Variants in SEMA3E observed in about 807,000 individuals in gnomAD.
The protein encoded by SEMA3E is semaphorin-3E.
Under a neutral mutation model 93.6 loss-of-function variants are expected in SEMA3E, and 49 were observed. That is an observed-to-expected ratio of 0.52 (90% CI 0.42 to 0.66). The LOEUF is 0.66. Ranked by LOEUF, SEMA3E falls within the 30% of genes least tolerant of loss-of-function variation. The probability of loss-of-function intolerance (pLI) is 0.00; values close to 1 mark genes in which losing one functional copy is unlikely to be tolerated. For missense variants in SEMA3E, 906 were observed against 964.8 expected, an observed-to-expected ratio of 0.94 and a Z score of 0.81; for synonymous variants, 363 against 330.7, an observed-to-expected ratio of 1.10 and a Z score of -1.06.
At chr7:83,546,321 G>GGTGTGTGGTGT (rs1554336930) in intron 1 of SEMA3E, among the ~76,000 whole-genome samples, 1 of 129,406 alleles carries the variant, frequency 7.7e-6, no homozygotes, top group Non-Finnish European at 1.7e-5. Context: ...TATAATAAGG[G>GGTGTGTGGTGT]GTGTGTGTGT....
intron 1 of SEMA3E, among the ~76,000 whole-genome samples, chr7:83,545,670 C>T (rs890532734): frequency 6.6e-6 from 1 of 150,674 alleles, no homozygotes; most frequent in African/African-American, 2.4e-5. Context: ...GGCTCTCTTG[C>T]CTCTACTGGG....
chr7:83,440,228 C>T (rs1438012042), intron 4 of SEMA3E, among the ~76,000 whole-genome samples: 1 of 152,036 alleles, frequency 6.6e-6, no homozygotes, highest in Non-Finnish European at 1.5e-5. Context: ...ATGAGTGCCT[C>T]AGTGTGAAAA....
intron 2 of SEMA3E, among the ~76,000 whole-genome samples, chr7:83,477,910 A>G (rs1347119798): frequency 2.8e-5 from 4 of 144,832 alleles, no homozygotes; most frequent in Non-Finnish European, 4.5e-5. Context: ...ATACAAATTA[A>G]GTAATGTAAT....
chr7:83,390,688 A>G (rs1788000186), intron 14 of SEMA3E, among the ~76,000 whole-genome samples: 1 of 152,186 alleles, frequency 6.6e-6, no homozygotes, highest in Non-Finnish European at 1.5e-5. Context: ...AGGGGTAGTG[A>G]TGGTTCAAAA....
intron 1 of SEMA3E, among the ~76,000 whole-genome samples, chr7:83,569,412 A>G (rs920469460): frequency 6.6e-6 from 1 of 152,166 alleles, no homozygotes; most frequent in Non-Finnish European, 1.5e-5. Context: ...TAAATGGTCT[A>G]AAAGCTCCAC....
chr7:83,438,782 T>A (rs1480572226), intron 4 of SEMA3E, among the ~76,000 whole-genome samples: 8 of 152,034 alleles, frequency 5.3e-5, no homozygotes, highest in African/African-American at 1.9e-4. Context: ...ATATGTAAGA[T>A]AAATAGGAGA....
In SEMA3E at chr7:83,586,039, C is replaced by T. The variant is rs549271511; in HGVS notation, c.115+62389G>A. Among the ~76,000 whole-genome samples the T allele has an allele frequency of 1.1e-4, 17 of 152,206 alleles. No individual in the cohort carries two copies. In the South Asian group the frequency reaches 3.5e-3, roughly 32 times the overall value. On this transcript the variant is annotated intron_variant, in intron 1 of 16. Transcript: ENST00000643230. ...TGTCCCCTCAAACATATATGCACATCCCAGAATGTGTTAATGTGATTTTAA... is the reference window on the plus strand; with the variant it reads ...TGTCCCCTCAAACATATATGCACATTCCAGAATGTGTTAATGTGATTTTAA...
intron 1 of SEMA3E, among the ~76,000 whole-genome samples, chr7:83,569,355 A>G (rs1379698985): frequency 6.6e-6 from 1 of 152,156 alleles, no homozygotes; most frequent in Non-Finnish European, 1.5e-5. Context: ...CAACCAGCTA[A>G]CAACAAAATG....
chr7:83,526,025 T>A (rs1301597762), intron 1 of SEMA3E, among the ~76,000 whole-genome samples: 1 of 152,048 alleles, frequency 6.6e-6, no homozygotes, highest in African/African-American at 2.4e-5. Flanking sequence ...GAGGAGAATA[T>A]TTCAACTGTG....
chr7:83,450,764 C>T (rs958319476), intron 4 of SEMA3E, among the ~76,000 whole-genome samples: 1 of 151,938 alleles, frequency 6.6e-6, no homozygotes, highest in Admixed American at 6.6e-5. Flanking sequence ...AACAGGTGTA[C>T]TTAACGAATG....
intron 1 of SEMA3E, among the ~76,000 whole-genome samples, chr7:83,535,437 A>G (rs985068): frequency 0.53 from 80,819 of 151,522 alleles, 23,598 homozygotes; most frequent in Middle Eastern, 0.7. Flanking sequence ...TCATTCATTC[A>G]CTAAGGAGAC....
In SEMA3E at chr7:83,363,884, T is replaced by TTTTTTTTTTTTTTTTTTTTTTC. The variant is rs1794624068; in HGVS notation, c.*3701_*3702insGAAAAAAAAAAAAAAAAAAAAA. 9.9e-6 allele frequency: 1 copy of TTTTTTTTTTTTTTTTTTTTTTC among 101,072 alleles called. No individual in the cohort carries two copies. The highest frequency in any genetic ancestry group is 4.2e-5 in the African/African-American group (1 of 23,836). The allele number at this position is 101,072 out of a possible 1,614,324, so 6.3% of individuals were successfully genotyped here. A position where few individuals can be genotyped will look rare whatever the true frequency, so the allele number is the denominator to read the frequency against. On this transcript the variant is annotated 3_prime_UTR_variant, in exon 17 of 17. Transcript: ENST00000643230. ...CATTTTTTTTTTTTTTTTTTTTTTT[T>TTTTTTTTTTTTTTTTTTTTTTC]TTTTTTTTTTTTTTTTTTTTTGAGA... is the stretch of plus-strand genomic sequence containing the variant.
rs1788109741 is a variant in SEMA3E, at chr7:83,395,919, G to A, written c.1458+719C>T. Among the ~76,000 whole-genome samples, 3 of 152,160 alleles carry A rather than the reference G, an allele frequency of 2.0e-5. 1 individual carries two copies. The South Asian group carries it at 6.2e-4, about 32-fold the overall frequency. The stretch of plus-strand genomic sequence containing the variant: ...TACGTATTGATCTGTTGATAATTAC[G>A]TTATAAATAGAAATTTGCTGGAACA... On this transcript the variant is annotated intron_variant, in intron 12 of 16. Transcript: ENST00000643230.
intron 4 of SEMA3E, among the ~76,000 whole-genome samples, chr7:83,459,326 C>T (rs868441053): frequency 2.5e-4 from 38 of 152,196 alleles, no homozygotes; most frequent in Middle Eastern, 3.4e-3. Flanking sequence ...CAACTATTAA[C>T]GCAGAATTCT....
At chr7:83,473,858 C>T (rs571132992) in intron 2 of SEMA3E, among the ~76,000 whole-genome samples, 29 of 152,132 alleles carry the variant, frequency 1.9e-4, no homozygotes, top group African/African-American at 6.7e-4. Flanking sequence ...CTTTGGGAGG[C>T]CGAGGCGGGT....
At chr7:83,521,285 T>G (rs1791043261) in intron 1 of SEMA3E, among the ~76,000 whole-genome samples, 1 of 152,020 alleles carries the variant, frequency 6.6e-6, no homozygotes, top group Non-Finnish European at 1.5e-5. Context: ...CAGGCAGCAT[T>G]GAGGTTCAAC....
intron 1 of SEMA3E, among the ~76,000 whole-genome samples, chr7:83,558,807 C>T (rs1562832172): frequency 6.6e-6 from 1 of 151,936 alleles, no homozygotes; most frequent in East Asian, 1.9e-4. Context: ...TGTCATGTCA[C>T]TACAAAAATC....
At chr7:83,568,589 T>C (rs932670043) in intron 1 of SEMA3E, among the ~76,000 whole-genome samples, 2 of 152,106 alleles carry the variant, frequency 1.3e-5, no homozygotes, top group African/African-American at 2.4e-5. Flanking sequence ...CCAATAATCA[T>C]AATACATAAC....
intron 1 of SEMA3E, among the ~76,000 whole-genome samples, chr7:83,592,286 A>G (rs2115949741): frequency 6.6e-6 from 1 of 152,280 alleles, no homozygotes; most frequent in Admixed American, 6.5e-5. Flanking sequence ...GAAGCTAGAT[A>G]AAATGAATAA....
Sources: gnomAD v4.1 joint callset for allele counts (sites outside exome capture counted in the v4.1 genomes callset) on GRCh38, gnomAD v4.1.1 for gene constraint, MANE v1.5 for transcripts, NCBI Gene and HGNC (gene_info 2026-07-23, HGNC 2026-07-21) for gene names.